The following ASAP1 variants were observed in gnomAD, a reference collection of about 807,000 sequenced individuals.
ASAP1 encodes the protein arf-GAP with SH3 domain, ANK repeat and PH domain-containing protein 1.
Under a neutral mutation model 145.2 loss-of-function variants are expected in ASAP1, and 43 were observed. The observed-to-expected ratio is 0.30, with a 90% CI of 0.23 to 0.38. The LOEUF is 0.38. Ranked by LOEUF, ASAP1 falls within the 10% of genes least tolerant of loss-of-function variation. The probability of loss-of-function intolerance (pLI) is 1.00; values close to 1 mark genes in which losing one functional copy is unlikely to be tolerated. For missense variants in ASAP1, 1,018 were observed against 1,355.3 expected, an observed-to-expected ratio of 0.75 and a Z score of 3.91; for synonymous variants, 546 against 515.5, an observed-to-expected ratio of 1.06 and a Z score of -0.80.
At chr8:130,324,364 C>T (rs954863662) in intron 3 of ASAP1, among the ~76,000 whole-genome samples, 1 of 152,128 alleles carries the variant, frequency 6.6e-6, no homozygotes, top group African/African-American at 2.4e-5. Flanking sequence ...CTAAGGCTGT[C>T]TTGGAAGCAG....
At chr8:130,062,927 G>A (rs1476371948) in intron 27 of ASAP1, among the ~76,000 whole-genome samples, 2 of 152,030 alleles carry the variant, frequency 1.3e-5, no homozygotes, top group African/African-American at 2.4e-5. Context: ...GAACTATGAC[G>A]GTGCCATTGC....
chr8:130,272,434 A>C (rs1308372501), intron 3 of ASAP1, among the ~76,000 whole-genome samples: 1 of 152,228 alleles, frequency 6.6e-6, no homozygotes, highest in Admixed American at 6.5e-5. Context: ...AAGAGTATGG[A>C]GATCTCTCAA....
chr8:130,060,730 G>A lies in ASAP1; in HGVS notation c.3041C>T (p.Pro1014Leu), dbSNP rs199766652. The A allele has an allele frequency of 6.2e-7, 1 of 1,614,156 alleles. No homozygotes were observed. The highest frequency in any genetic ancestry group is 1.3e-5 in the African/African-American group (1 of 75,024). The change falls in exon 28 of 30, where the codon CCC (proline) becomes CTC (leucine). Residue 1014 changes from proline (P) to leucine (L), a missense_variant. By Grantham distance (98) the Pro-to-Leu change is moderately conservative (BLOSUM62 -3). Coordinates refer to ENST00000518721, the MANE Select transcript of ASAP1 (RefSeq NM_018482.4). ...TGDVSPKAQQPSEVTLKSHPL... is the reference protein window; with the variant it reads ...TGDVSPKAQQLSEVTLKSHPL... ...GTGTGACTTCAGTGTGACCTCAGAG[G>A]GTTGCTGAGCCTTGGGTGAGACATC...
At chr8:130,300,589 AAC>A (rs1458696891) in intron 3 of ASAP1, among the ~76,000 whole-genome samples, 2 of 152,224 alleles carry the variant, frequency 1.3e-5, no homozygotes, top group African/African-American at 2.4e-5. Context: ...GCATGATTCT[AAC>A]ACACAGCCAA....
intron 2 of ASAP1, 126 bp downstream of exon 2, chr8:130,401,759 G>C: frequency 2.5e-6 from 2 of 809,748 alleles, no homozygotes; most frequent in Middle Eastern, 2.4e-4. Flanking sequence ...TAACAATCGT[G>C]CACACAGTCT....
rs1234117059 is a variant in ASAP1, at chr8:130,300,151, C to CAG, written c.186+57865_186+57866insCT. Among the ~76,000 whole-genome samples, 685 of 84,740 alleles carry CAG rather than the reference C, an allele frequency of 8.1e-3. 3 individuals carry two copies. Among genetic ancestry groups the CAG allele is most frequent in the East Asian group, 0.016 (33 of 2,122 alleles). The allele number at this position is 84,740 out of a possible 152,430, so 55.6% of individuals were successfully genotyped here. On this transcript the variant is annotated intron_variant, in intron 3 of 29. Coordinates refer to ENST00000518721, the MANE Select transcript of ASAP1 (RefSeq NM_018482.4). ...ACACACACACACACACACACACACA[C>CAG]ACAGAGAGAGAGAGAGAGAGAGAGA... is the stretch of plus-strand genomic sequence containing the variant.
At chr8:130,265,715 C>T (rs895583186) in intron 3 of ASAP1, among the ~76,000 whole-genome samples, 1 of 152,036 alleles carries the variant, frequency 6.6e-6, no homozygotes, top group African/African-American at 2.4e-5. Flanking sequence ...AACCCTGTCT[C>T]GCTAAACAAA....
In ASAP1 at chr8:130,158,813, G is replaced by A. The variant is rs574303004; in HGVS notation, c.1010+1051C>T. The stretch of plus-strand genomic sequence containing the variant: ...GTGGTGCGATCTCAGCTCACTGCAA[G>A]CTCTGCCTCCAGGGTTCGCACCATT... On this transcript the variant is annotated intron_variant, in intron 12 of 29. Transcript: ENST00000518721. Among the ~76,000 whole-genome samples the A allele has an allele frequency of 2.6e-5, 4 of 151,888 alleles. 1 individual carries two copies. The South Asian group carries it at 8.3e-4, about 32-fold the overall frequency.
At chr8:130,309,707 C>A in intron 3 of ASAP1, among the ~76,000 whole-genome samples, 1 of 152,150 alleles carries the variant, frequency 6.6e-6, no homozygotes, top group South Asian at 2.1e-4. Flanking sequence ...ATATTTCATT[C>A]ATGGCTAGGG....
At chr8:130,058,165 C>A in intron 28 of ASAP1, 89 bp from the exon 29 acceptor site, 2 of 1,465,042 alleles carry the variant, frequency 1.4e-6, no homozygotes. Context: ...TGACCTTGGC[C>A]AGTAACTTAA....
At chr8:130,277,387 C>T (rs1254209109) in intron 3 of ASAP1, among the ~76,000 whole-genome samples, 1 of 151,992 alleles carries the variant, frequency 6.6e-6, no homozygotes, top group African/African-American at 2.4e-5. Flanking sequence ...GAATTTAAGA[C>T]AACAAAAGAT....
intron 2 of ASAP1, among the ~76,000 whole-genome samples, chr8:130,389,812 C>T (rs1315106434): frequency 6.6e-6 from 1 of 152,148 alleles, no homozygotes; most frequent in Non-Finnish European, 1.5e-5. Flanking sequence ...GCAATCCTTC[C>T]ACCTCAGCCT....
chr8:130,407,529 T>C (rs1362834658), intron 1 of ASAP1, among the ~76,000 whole-genome samples: 1 of 152,196 alleles, frequency 6.6e-6, no homozygotes, highest in Non-Finnish European at 1.5e-5. Flanking sequence ...ACAATGTCTG[T>C]CAACCCCCAC....
At chr8:130,190,433 G>C (rs1815060143) in intron 5 of ASAP1, among the ~76,000 whole-genome samples, 1 of 152,020 alleles carries the variant, frequency 6.6e-6, no homozygotes, top group Admixed American at 6.6e-5. Flanking sequence ...GTATGTTCTT[G>C]GTGCCTTTGT....
intron 3 of ASAP1, among the ~76,000 whole-genome samples, chr8:130,298,209 G>A (rs963403628): frequency 6.6e-6 from 1 of 152,190 alleles, no homozygotes; most frequent in African/African-American, 2.4e-5. Context: ...GGAGCCAAGG[G>A]AAGCATGAGA....
chr8:130,210,361 C>T (rs1045116641), intron 5 of ASAP1, among the ~76,000 whole-genome samples: 1 of 151,984 alleles, frequency 6.6e-6, no homozygotes, highest in African/African-American at 2.4e-5. Context: ...ATACATAATA[C>T]ACATGGAAAA....
intron 3 of ASAP1, among the ~76,000 whole-genome samples, chr8:130,283,675 T>C (rs1352255364): frequency 6.8e-6 from 1 of 148,126 alleles, no homozygotes; most frequent in Non-Finnish European, 1.5e-5. Flanking sequence ...TGGGGAACAG[T>C]GTTTCAGAAT....
intron 3 of ASAP1, among the ~76,000 whole-genome samples, chr8:130,296,496 C>T (rs565641588): frequency 2.6e-5 from 4 of 151,518 alleles, no homozygotes; most frequent in Admixed American, 6.6e-5. Flanking sequence ...ATTATCTCCA[C>T]CTGCTACTTC....
In ASAP1 at chr8:130,286,191, T is replaced by C. The variant is rs142582272; in HGVS notation, c.187-49197A>G. On this transcript the variant is annotated intron_variant, in intron 3 of 29. Transcript: ENST00000518721. ...CAGTATCAAATGGCAGAGTAGGTTTTAGACACCAGGACCACCTGAAGTACA... is the reference window on the plus strand; with the variant it reads ...CAGTATCAAATGGCAGAGTAGGTTTCAGACACCAGGACCACCTGAAGTACA... Among the ~76,000 whole-genome samples the C allele has an allele frequency of 3.7e-4, 57 of 152,322 alleles. No individual in the cohort carries two copies. The East Asian group carries it at 0.01, about 28-fold the overall frequency.
Sources: allele counts gnomAD v4.1 joint callset (sites outside exome capture counted in the v4.1 genomes callset), GRCh38; gene constraint gnomAD v4.1.1; transcripts MANE v1.5; gene names NCBI Gene and HGNC (gene_info 2026-07-23, HGNC 2026-07-21).